Variants in RSPH9 observed in about 807,000 individuals in gnomAD.
RSPH9 encodes radial spoke head protein 9 homolog.
RSPH9 carries 27 observed loss-of-function variants against 27.0 expected under a neutral mutation model. That is an observed-to-expected ratio of 1.00 (90% confidence interval 0.74 to 1.38). RSPH9 has a LOEUF of 1.38. RSPH9 is among the 40% of genes most tolerant of loss of function. The probability of loss-of-function intolerance (pLI) is 0.00; values close to 1 mark genes in which losing one functional copy is unlikely to be tolerated. For synonymous variants in RSPH9, 145 were observed against 147.7 expected (o/e 0.98, Z 0.13); for missense variants, 347 against 357.4 (o/e 0.97, Z 0.24).
At chr6:43,646,536 C>G (rs938095210) in intron 1 of RSPH9, among the ~76,000 whole-genome samples, 1 of 151,646 alleles carries the variant, frequency 6.6e-6, no homozygotes, top group Non-Finnish European at 1.5e-5. Flanking sequence ...CTCGGCCTCC[C>G]AAAGTGCTGG....
intron 3 of RSPH9, among the ~76,000 whole-genome samples, 179 bp from the exon 4 acceptor site, chr6:43,656,398 T>C (rs565289173): frequency 6.6e-6 from 1 of 152,300 alleles, no homozygotes; most frequent in East Asian, 1.9e-4. Flanking sequence ...ACTCTCTTTG[T>C]GGCAGGATCT....
chr6:43,647,152 A>T (rs1300775989), intron 1 of RSPH9, among the ~76,000 whole-genome samples: 2 of 136,116 alleles, frequency 1.5e-5, no homozygotes, highest in Non-Finnish European at 3.5e-5. Context: ...AAATAAATAA[A>T]CAAACTTTAA....
Position 43,646,318 on chromosome 6 carries a change from T to C in RSPH9, c.227+993T>C, listed in dbSNP as rs577040413. 4.0e-5 allele frequency among the ~76,000 whole-genome samples: 6 copies of C among 151,118 alleles called. No individual in the cohort carries two copies. In the South Asian group the frequency reaches 1.3e-3, roughly 32 times the overall value. ...GGTTAATTTTTTTTTGTATTTTTAG[T>C]AGAGACGGGGTTTCACCGTGTTAGC... On this transcript the variant is annotated intron_variant, in intron 1 of 4. Coordinates refer to ENST00000372163, the MANE Select transcript of RSPH9 (RefSeq NM_152732.5).
intron 4 of RSPH9, among the ~76,000 whole-genome samples, chr6:43,664,834 C>T (rs923165677): frequency 4.6e-5 from 7 of 152,190 alleles, no homozygotes; most frequent in African/African-American, 1.4e-4. Flanking sequence ...CATCTCTGCT[C>T]CCAGACTTGT....
At chr6:43,659,689 G>A (rs1277299967) in intron 4 of RSPH9, among the ~76,000 whole-genome samples, 5 of 149,226 alleles carry the variant, frequency 3.4e-5, no homozygotes, top group African/African-American at 1.2e-4. Flanking sequence ...GCCCATGTTC[G>A]GCTAATTTTT....
chr6:43,657,268 T>A (rs1353173370), intron 4 of RSPH9, among the ~76,000 whole-genome samples: 2 of 152,238 alleles, frequency 1.3e-5, no homozygotes, highest in East Asian at 3.8e-4. Context: ...TCTTCCCTTG[T>A]TGGGTGTTCC....
chr6:43,664,027 G>A (rs540096493), intron 4 of RSPH9, among the ~76,000 whole-genome samples: 9,181 of 78,866 alleles, frequency 0.12, 493 homozygotes, highest in African/African-American at 0.29. Flanking sequence ...AGAATGTCTC[G>A]AAAAAAAAAA....
In RSPH9 at chr6:43,671,096, C is replaced by T. The variant is rs1046908986; in HGVS notation, c.*147C>T. 58 of 984,614 alleles carry T rather than the reference C, an allele frequency of 5.9e-5. No homozygotes were observed. The highest frequency in any genetic ancestry group is 8.2e-5 in the Non-Finnish European group (53 of 649,540). The allele number at this position is 984,614 out of a possible 1,614,324, so 61.0% of individuals were successfully genotyped here. ...CTGAAAGGCCCACTGAGCCAGGGAGCTCATTTCTAAACCAAGTGGCAGAGG... is the reference window on the plus strand; with the variant it reads ...CTGAAAGGCCCACTGAGCCAGGGAGTTCATTTCTAAACCAAGTGGCAGAGG... On this transcript the variant is annotated 3_prime_UTR_variant, in exon 5 of 5. Transcript: ENST00000372163.
At chr6:43,667,578 C>T (rs1773275795) in intron 4 of RSPH9, among the ~76,000 whole-genome samples, 1 of 152,220 alleles carries the variant, frequency 6.6e-6, no homozygotes, top group African/African-American at 2.4e-5. Flanking sequence ...GCTCTTCCTG[C>T]CCCAGTTCCT....
intron 2 of RSPH9, among the ~76,000 whole-genome samples, chr6:43,652,078 G>A (rs1363513860): frequency 2.0e-5 from 3 of 151,452 alleles, no homozygotes; most frequent in South Asian, 2.1e-4. Flanking sequence ...AGGCTGAGGC[G>A]GGTGGATCAC....
In RSPH9 at chr6:43,666,531, G is replaced by A. The variant is rs559990518; in HGVS notation, c.671-4258G>A. The A allele has an allele frequency of 4.6e-6, 7 of 1,521,492 alleles. No homozygotes were observed. In the East Asian group the frequency reaches 9.8e-5, roughly 21 times the overall value. 94.2% of individuals were successfully genotyped at this position (1,521,492 alleles called of 1,614,324 possible). On this transcript the variant is annotated intron_variant, in intron 4 of 4. Coordinates refer to ENST00000372163, the MANE Select transcript of RSPH9 (RefSeq NM_152732.5). ...CTCTGTGTCCATGAGGTAGGCCAAC[G>A]ACTCCGCATCTTGTCCCTTGGCCAA...
At chr6:43,665,116 C>T (rs894642053) in intron 4 of RSPH9, among the ~76,000 whole-genome samples, 2 of 152,192 alleles carry the variant, frequency 1.3e-5, no homozygotes, top group Admixed American at 6.5e-5. Flanking sequence ...GCTGCTTTGC[C>T]CGTGGAGCCT....
At chr6:43,660,908 G>A (rs1272316811) in intron 4 of RSPH9, among the ~76,000 whole-genome samples, 4 of 152,184 alleles carry the variant, frequency 2.6e-5, no homozygotes, top group Middle Eastern at 3.2e-3. Flanking sequence ...GACTTGAAAA[G>A]TGAAGTCACT....
chr6:43,653,643 G>A (rs1771714660), intron 2 of RSPH9, among the ~76,000 whole-genome samples: 1 of 152,110 alleles, frequency 6.6e-6, no homozygotes, highest in African/African-American at 2.4e-5. Flanking sequence ...CTAGGTCTGT[G>A]AGCCCTCAGC....
intron 1 of RSPH9, among the ~76,000 whole-genome samples, chr6:43,648,257 G>A (rs1036605087): frequency 1.9e-4 from 28 of 149,386 alleles, no homozygotes; most frequent in Admixed American, 1.0e-3. Context: ...CAACAAGAGC[G>A]AAACTCTGTC....
Position 43,649,556 on chromosome 6 carries a change from TAGGCCCAGGGTATATTTGAG to T in RSPH9, c.228-815_228-796del, listed in dbSNP as rs559592450. On this transcript the variant is annotated intron_variant, in intron 1 of 4. Coordinates refer to ENST00000372163, the MANE Select transcript of RSPH9 (RefSeq NM_152732.5). ...ATAAGCAGAGACCAGGCTGGGGACCTAGGCCCAGGGTATATTTGAGAGGAGTGGGAAGGACCTCCTCTCCC... is the reference window on the plus strand; with the variant it reads ...ATAAGCAGAGACCAGGCTGGGGACCTAGGAGTGGGAAGGACCTCCTCTCCC... 1.6e-3 allele frequency among the ~76,000 whole-genome samples: 241 copies of T among 152,096 alleles called. 1 individual carries two copies. The highest frequency in any genetic ancestry group is 5.5e-3 in the African/African-American group (227 of 41,506).
chr6:43,665,823 C>T (rs111978957), intron 4 of RSPH9, among the ~76,000 whole-genome samples: 11,063 of 148,420 alleles, frequency 0.075, 545 homozygotes, highest in East Asian at 0.21. Context: ...TTCTTTCTTT[C>T]TTTTTTTTTT....
In RSPH9 at chr6:43,671,061, G is replaced by C; in HGVS notation, c.*112G>C. 2.9e-6 allele frequency: 4 copies of C among 1,376,330 alleles called. No individual in the cohort carries two copies. Among genetic ancestry groups the C allele is most frequent in the Non-Finnish European group, 4.0e-6 (4 of 988,688 alleles). 85.3% of individuals were successfully genotyped at this position (1,376,330 alleles called of 1,614,324 possible). Reference sequence around the variant, plus strand: ...ATCTTCTTAACTCCACCTCCGTCTGGTTCCAGATTCTGAAAGGCCCACTGA... The same window carrying C: ...ATCTTCTTAACTCCACCTCCGTCTGCTTCCAGATTCTGAAAGGCCCACTGA... On this transcript the variant is annotated 3_prime_UTR_variant, in exon 5 of 5. Transcript: ENST00000372163.
In RSPH9 at chr6:43,645,097, T is replaced by A; in HGVS notation, c.-2T>A. On this transcript the variant is annotated 5_prime_UTR_variant, in exon 1 of 5. Transcript: ENST00000372163. ...CGGGCGTTGAGCGGAGCCGCTGACCTGATGGACGCCGACAGCCTCCTGCTG... is the reference window on the plus strand; with the variant it reads ...CGGGCGTTGAGCGGAGCCGCTGACCAGATGGACGCCGACAGCCTCCTGCTG... The A allele has an allele frequency of 6.2e-7, 1 of 1,610,694 alleles. No homozygotes were observed. Among genetic ancestry groups the A allele is most frequent in the Non-Finnish European group, 8.5e-7 (1 of 1,179,772 alleles).
Sources: allele counts gnomAD v4.1 joint callset (sites outside exome capture counted in the v4.1 genomes callset), GRCh38; gene constraint gnomAD v4.1.1; transcripts MANE v1.5; gene names NCBI Gene and HGNC (gene_info 2026-07-23, HGNC 2026-07-21).